STAB2: variants seen among roughly 807,000 people sequenced by gnomAD.
STAB2 encodes stabilin-2.
A neutral mutation model predicts 338.1 loss-of-function variants in STAB2; 288 were observed. That is an observed-to-expected ratio of 0.85 (90% CI 0.77 to 0.94). The LOEUF (loss-of-function observed/expected upper bound fraction) is 0.94, where lower values mean the gene tolerates loss of function less well. Among genes scored for constraint, STAB2 ranks in the 40% least tolerant of loss-of-function variants. The probability of loss-of-function intolerance (pLI) is 0.00; values close to 1 mark genes in which losing one functional copy is unlikely to be tolerated. For missense variants in STAB2, 3,141 were observed against 3,210.1 expected (o/e 0.98, Z 0.52); for synonymous variants, 1,202 against 1,193.3 (o/e 1.01, Z -0.15).
rs562021919 is a variant in STAB2, at chr12:103,624,111, C to CA, written c.487+2002dup. 6.6e-5 allele frequency among the ~76,000 whole-genome samples: 10 copies of CA among 152,322 alleles called. No individual in the cohort carries two copies. In the South Asian group the frequency reaches 1.9e-3, roughly 28 times the overall value. On this transcript the variant is annotated intron_variant, in intron 5 of 68. Coordinates refer to ENST00000388887, the MANE Select transcript of STAB2 (RefSeq NM_017564.10). ...TTTGGCAAGAAAACCTATGCACACA[C>CA]AACACATCCCACCCCCATAAGTTTG...
intron 68 of STAB2, chr12:103,763,925 C>T (rs2139254392): frequency 9.2e-6 from 2 of 217,858 alleles, no homozygotes; most frequent in Non-Finnish European, 1.8e-5. Context: ...AATTCTGCTG[C>T]AATCATTTAT....
At chr12:103,700,605 A>T (rs1406631469) in intron 34 of STAB2, among the ~76,000 whole-genome samples, 1 of 152,090 alleles carries the variant, frequency 6.6e-6, no homozygotes, top group African/African-American at 2.4e-5. Context: ...TTTTTCCAGG[A>T]TTGGTAATTA....
At chr12:103,707,124 C>A in intron 38 of STAB2, 137 bp downstream of exon 38, 1 of 869,058 alleles carries the variant, frequency 1.2e-6, no homozygotes, top group Non-Finnish European at 1.7e-6. Flanking sequence ...GCTACTATCA[C>A]TGTGAATTAT....
intron 33 of STAB2, 145 bp downstream of exon 33, chr12:103,695,989 T>C: frequency 1.3e-6 from 1 of 774,136 alleles, no homozygotes; most frequent in Non-Finnish European, 2.1e-6. Context: ...AGAGACTCTC[T>C]CATACACAAA....
In STAB2 at chr12:103,618,330, C is replaced by T. The variant is rs3851628; in HGVS notation, c.332-2138C>T. 2.4e-3 allele frequency among the ~76,000 whole-genome samples: 361 copies of T among 152,288 alleles called. 2 individuals are homozygous for T. Among genetic ancestry groups the T allele is most frequent in the African/African-American group, 8.1e-3 (338 of 41,574 alleles). On this transcript the variant is annotated intron_variant, in intron 3 of 68. Coordinates refer to ENST00000388887, the MANE Select transcript of STAB2 (RefSeq NM_017564.10). ...TGAAGATACAGTGAGAAGTCACCAT[C>T]TATGAACCAGAAAACAGGCCCTCAC...
In STAB2 at chr12:103,755,624, C is replaced by T. The variant is rs1168625248; in HGVS notation, c.6893C>T (p.Thr2298Ile). ...CTCTGCCCTCCAGATGTGAACTGCA[C>T]CTGCAAGGTGGGCTATGTGGGAGAT... ...FCYRMKDVNC[T>I]CKVGYVGDGF... Residue 2298 changes from threonine (T) to isoleucine (I), a missense_variant, in exon 63 of 69, where the codon ACC becomes ATC. Coordinates refer to ENST00000388887, the MANE Select transcript of STAB2 (RefSeq NM_017564.10). The T allele has an allele frequency of 3.1e-6, 5 of 1,613,998 alleles. No homozygotes were observed. The African/African-American group carries it at 6.7e-5, about 22-fold the overall frequency.
chr12:103,740,591 C>A, intron 54 of STAB2, 39 bp from the exon 55 acceptor site: 1 of 1,602,342 alleles, frequency 6.2e-7, no homozygotes, highest in Non-Finnish European at 8.5e-7. Flanking sequence ...CTAGTCCCTG[C>A]AGTGGTAAGT....
chr12:103,756,653 C>T (rs11610157), intron 63 of STAB2, among the ~76,000 whole-genome samples: 10,897 of 152,106 alleles, frequency 0.072, 436 homozygotes, highest in South Asian at 0.13. Flanking sequence ...CTTTCGAGTA[C>T]GGAACAAGGA....
intron 3 of STAB2, among the ~76,000 whole-genome samples, chr12:103,611,373 T>G (rs1957119465): frequency 1.3e-5 from 2 of 152,242 alleles, no homozygotes; most frequent in Non-Finnish European, 2.9e-5. Context: ...TGGGTGCTCC[T>G]GTATTGGGTG....
At chr12:103,654,468 AG>A (rs1226844787) in intron 12 of STAB2, 86 bp from the exon 13 acceptor site, 2 of 1,372,940 alleles carry the variant, frequency 1.5e-6, no homozygotes, top group Non-Finnish European at 2.0e-6. Flanking sequence ...TCAAAGCCCA[AG>A]GACTCAAGAC....
chr12:103,681,373 GAAC>G (rs1289235610), intron 25 of STAB2, among the ~76,000 whole-genome samples: 5 of 152,150 alleles, frequency 3.3e-5, no homozygotes, highest in Non-Finnish European at 5.9e-5. Flanking sequence ...AGGTGGCATA[GAAC>G]AACAAAAATG....
rs1179959987 is a variant in STAB2 at position 103,746,666 on chromosome 12, G to A, written c.6206G>A (p.Cys2069Tyr). The A allele has an allele frequency of 1.2e-6, 2 of 1,614,092 alleles. No homozygotes were observed. Among genetic ancestry groups the A allele is most frequent in the Non-Finnish European group, 1.7e-6 (2 of 1,179,966 alleles). Reference protein sequence around the residue: ...ATCKENNTCECNLDYEGDGIT... With the variant: ...ATCKENNTCEYNLDYEGDGIT... ...TGTAAGGAGAACAACACGTGTGAGTGTAACCTGGATTATGAAGGTGACGGA... is the reference window on the plus strand; with the variant it reads ...TGTAAGGAGAACAACACGTGTGAGTATAACCTGGATTATGAAGGTGACGGA... Residue 2069 changes from cysteine (C) to tyrosine (Y), a missense_variant, in exon 58 of 69, where the codon TGT (cysteine) becomes TAT (tyrosine). Coordinates refer to ENST00000388887, the MANE Select transcript of STAB2 (RefSeq NM_017564.10).
rs766529537 is a variant in STAB2 at position 103,631,616 on chromosome 12, G to C, written c.506G>C (p.Gly169Ala). ...TCTCCAGTGTGCAACTGTGTGCATG[G>C]GGTGTGCAACAGTGGACTAGATGGC... ...SCSSVCNCVH[G>A]VCNSGLDGDG... is the part of the protein sequence containing the mutation. The change falls in exon 6 of 69, where the codon GGG becomes GCG. Residue 169 changes from glycine to alanine, a missense_variant. By Grantham distance (60) the Gly-to-Ala change is moderately conservative (BLOSUM62 0). Coordinates refer to ENST00000388887, the MANE Select transcript of STAB2 (RefSeq NM_017564.10). The C allele has an allele frequency of 1.2e-6, 2 of 1,614,094 alleles. No homozygotes were observed. The highest frequency in any genetic ancestry group is 8.5e-7 in the Non-Finnish European group (1 of 1,180,010).
At chr12:103,764,577 C>T (rs1005904918) in intron 68 of STAB2, among the ~76,000 whole-genome samples, 2 of 152,132 alleles carry the variant, frequency 1.3e-5, no homozygotes, top group African/African-American at 4.8e-5. Flanking sequence ...AGGAATAGAA[C>T]TTAATTTTTC....
chr12:103,655,293 A>C lies in STAB2; in HGVS notation c.1594A>C (p.Arg532=), dbSNP rs1460805777. The C allele has an allele frequency of 6.2e-7, 1 of 1,613,334 alleles. No individual in the cohort carries two copies. The highest frequency in any genetic ancestry group is 1.3e-5 in the African/African-American group (1 of 75,046). Residue 532 remains arginine, a synonymous_variant, in exon 14 of 69, where the codon AGA becomes CGA. Coordinates refer to ENST00000388887, the MANE Select transcript of STAB2 (RefSeq NM_017564.10). ...TMLQPRYSKF[R]SLLEETNLGH... ...GCTACAACCAAGGTACAGCAAGTTCAGATCTTTGTTAGAGGTAAGCACTTT... is the reference window on the plus strand; with the variant it reads ...GCTACAACCAAGGTACAGCAAGTTCCGATCTTTGTTAGAGGTAAGCACTTT...
At chr12:103,606,681 A>G (rs1421554812) in intron 3 of STAB2, among the ~76,000 whole-genome samples, 1 of 152,128 alleles carries the variant, frequency 6.6e-6, no homozygotes, top group Non-Finnish European at 1.5e-5. Flanking sequence ...TTTCAGTTAT[A>G]TTGTTTCTAA....
chr12:103,666,888 T>A (rs1052676146), intron 19 of STAB2, among the ~76,000 whole-genome samples: 2 of 152,242 alleles, frequency 1.3e-5, no homozygotes, highest in African/African-American at 4.8e-5. Flanking sequence ...TCAGACATAG[T>A]GCTTGCTTCC....
intron 7 of STAB2, 140 bp downstream of exon 7, chr12:103,637,376 G>C (rs2138684677): frequency 8.8e-7 from 1 of 1,135,954 alleles, no homozygotes; most frequent in Non-Finnish European, 1.2e-6. Flanking sequence ...TATATAAAAG[G>C]TGCCAAGCAA....
At chr12:103,688,030 G>A in intron 27 of STAB2, 138 bp from the exon 28 acceptor site, 1 of 750,586 alleles carries the variant, frequency 1.3e-6, no homozygotes. Flanking sequence ...CATCAGGGAG[G>A]CAGGCCAGGA....
Sources: allele counts gnomAD v4.1 joint callset (sites outside exome capture counted in the v4.1 genomes callset), GRCh38; gene constraint gnomAD v4.1.1; transcripts MANE v1.5; gene names NCBI Gene and HGNC (gene_info 2026-07-23, HGNC 2026-07-21).